The following LRRTM4 variants were observed in gnomAD, a reference collection of about 807,000 sequenced individuals.
The protein encoded by LRRTM4 is leucine-rich repeat transmembrane neuronal protein 4.
A neutral mutation model predicts 47.6 loss-of-function variants in LRRTM4; 25 were observed. That is an observed-to-expected ratio of 0.53 (90% CI 0.38 to 0.73). LRRTM4 has a LOEUF of 0.73. Among genes scored for constraint, LRRTM4 ranks in the 30% least tolerant of loss-of-function variants. The probability of loss-of-function intolerance (pLI) is 0.00; values close to 1 mark genes in which losing one functional copy is unlikely to be tolerated. For missense variants in LRRTM4, 638 were observed against 713.4 expected (o/e 0.89, Z 1.20); for synonymous variants, 311 against 269.5 (o/e 1.15, Z -1.51).
At chr2:76,803,965 G>A (rs1025934646) in intron 3 of LRRTM4, among the ~76,000 whole-genome samples, 1 of 152,192 alleles carries the variant, frequency 6.6e-6, no homozygotes, top group Non-Finnish European at 1.5e-5. Context: ...AGCTTTTCTT[G>A]TAGACATTTC....
At chr2:76,942,866 A>G (rs1289094637) in intron 3 of LRRTM4, among the ~76,000 whole-genome samples, 3 of 152,172 alleles carry the variant, frequency 2.0e-5, no homozygotes, top group African/African-American at 4.8e-5. Context: ...ATAAAATGAT[A>G]TGATCTTTTG....
At chr2:77,214,454 T>C (rs1674381989) in intron 3 of LRRTM4, among the ~76,000 whole-genome samples, 1 of 152,190 alleles carries the variant, frequency 6.6e-6, no homozygotes, top group Admixed American at 6.5e-5. Flanking sequence ...TGTTACTTTA[T>C]TAGTTTGTCT....
intron 3 of LRRTM4, among the ~76,000 whole-genome samples, chr2:76,954,731 G>A (rs1482214949): frequency 1.3e-5 from 2 of 151,692 alleles, no homozygotes; most frequent in African/African-American, 4.8e-5. Flanking sequence ...AGCCCACGCT[G>A]ATATACGCGA....
At chr2:77,250,897 A>C (rs1288074971) in intron 3 of LRRTM4, among the ~76,000 whole-genome samples, 1 of 152,006 alleles carries the variant, frequency 6.6e-6, no homozygotes, top group Non-Finnish European at 1.5e-5. Context: ...TGAGGTGGGG[A>C]GTTCGAGACC....
At chr2:76,869,718 C>G (rs1352632169) in intron 3 of LRRTM4, among the ~76,000 whole-genome samples, 1 of 151,916 alleles carries the variant, frequency 6.6e-6, no homozygotes, top group Non-Finnish European at 1.5e-5. Flanking sequence ...TTTACTTAAC[C>G]TCGAAAATAG....
At chr2:77,392,394 C>T (rs866856824) in intron 3 of LRRTM4, among the ~76,000 whole-genome samples, 1 of 152,012 alleles carries the variant, frequency 6.6e-6, no homozygotes, top group Non-Finnish European at 1.5e-5. Flanking sequence ...TTGTCATGAG[C>T]TATGACCCTT....
chr2:77,212,483 A>C (rs1411724222), intron 3 of LRRTM4, among the ~76,000 whole-genome samples: 2 of 149,574 alleles, frequency 1.3e-5, no homozygotes, highest in East Asian at 3.9e-4. Flanking sequence ...ATAGAGAGAG[A>C]GAGAGAGAGA....
chr2:76,882,299 T>C (rs1672954466), intron 3 of LRRTM4, among the ~76,000 whole-genome samples: 1 of 152,064 alleles, frequency 6.6e-6, no homozygotes, highest in Admixed American at 6.6e-5. Context: ...TTTACTTAAC[T>C]TTTACTGAAA....
chr2:77,295,420 C>G (rs777379779), intron 3 of LRRTM4, among the ~76,000 whole-genome samples: 1 of 152,098 alleles, frequency 6.6e-6, no homozygotes, highest in South Asian at 2.1e-4. Flanking sequence ...GGAGCTCTTA[C>G]GTTTGTCACC....
At chr2:76,827,262 T>G (rs1671214802) in intron 3 of LRRTM4, among the ~76,000 whole-genome samples, 1 of 151,804 alleles carries the variant, frequency 6.6e-6, no homozygotes, top group Admixed American at 6.6e-5. Context: ...ACATTTTAGA[T>G]AGCAAGGTTA....
intron 3 of LRRTM4, among the ~76,000 whole-genome samples, chr2:76,922,327 C>T (rs1040007963): frequency 6.6e-6 from 1 of 151,894 alleles, no homozygotes; most frequent in South Asian, 2.1e-4. Context: ...ATGGCAGAAG[C>T]AAAAAGGGAA....
intron 3 of LRRTM4, among the ~76,000 whole-genome samples, chr2:77,354,246 C>G (rs145011091): frequency 5.4e-4 from 82 of 152,150 alleles, no homozygotes; most frequent in African/African-American, 2.0e-3. Context: ...GTTCCACCTC[C>G]TACTTCAGTA....
At chr2:77,127,380 G>C (rs13400700) in intron 3 of LRRTM4, among the ~76,000 whole-genome samples, 1 of 152,018 alleles carries the variant, frequency 6.6e-6, no homozygotes, top group Non-Finnish European at 1.5e-5. Flanking sequence ...AAATTTAATT[G>C]CATAAATCAC....
chr2:76,987,568 T>G (rs780740695), intron 3 of LRRTM4: 3 of 151,954 alleles, frequency 2.0e-5, no homozygotes, highest in Non-Finnish European at 4.4e-5. Context: ...TACAATAATC[T>G]AAGTAATGAT....
chr2:76,854,342 C>A lies in LRRTM4; in HGVS notation c.1552-105426G>T, dbSNP rs1672085419. On this transcript the variant is annotated intron_variant, in intron 3 of 3. Transcript: ENST00000409884. ...ATACAGATAGTATGCTGAGAATCTGCTTTTACTTTTCCCTCAATAAATGTA... is the reference window on the plus strand; with the variant it reads ...ATACAGATAGTATGCTGAGAATCTGATTTTACTTTTCCCTCAATAAATGTA... 4.6e-5 allele frequency among the ~76,000 whole-genome samples: 7 copies of A among 152,000 alleles called. No homozygotes were observed. In the South Asian group the frequency reaches 1.5e-3, roughly 32 times the overall value.
At chr2:77,221,674 C>T (rs1674636592) in intron 3 of LRRTM4, among the ~76,000 whole-genome samples, 1 of 151,784 alleles carries the variant, frequency 6.6e-6, no homozygotes, top group Non-Finnish European at 1.5e-5. Context: ...AATATATATG[C>T]ACCCAATACA....
chr2:76,857,301 G>GTATATATAATATATATATAATA lies in LRRTM4; in HGVS notation c.1552-108407_1552-108386dup, dbSNP rs139653194. On this transcript the variant is annotated intron_variant, in intron 3 of 3. Transcript: ENST00000409884. ...CTAGATACCTTGTTGTAAAAACACA[G>GTATATATAATATATATATAATA]TATATATAATATATATATAATATAT... is the stretch of plus-strand genomic sequence containing the variant. Among the ~76,000 whole-genome samples the GTATATATAATATATATATAATA allele has an allele frequency of 2.7e-3, 396 of 146,098 alleles. 7 individuals carry two copies. The highest frequency in any genetic ancestry group is 9.8e-3 in the African/African-American group (384 of 39,292).
At chr2:76,899,852 TG>T (rs1673562090) in intron 3 of LRRTM4, among the ~76,000 whole-genome samples, 1 of 152,212 alleles carries the variant, frequency 6.6e-6, no homozygotes, top group Non-Finnish European at 1.5e-5. Context: ...TTGTTCATTA[TG>T]GAATCCTCAA....
At chr2:77,285,111 T>C (rs2104110267) in intron 3 of LRRTM4, among the ~76,000 whole-genome samples, 1 of 151,944 alleles carries the variant, frequency 6.6e-6, no homozygotes, top group Non-Finnish European at 1.5e-5. Context: ...AAAACTTAGC[T>C]GGAAAACTTT....
Sources: gnomAD v4.1 joint callset for allele counts (sites outside exome capture counted in the v4.1 genomes callset) on GRCh38, gnomAD v4.1.1 for gene constraint, MANE v1.5 for transcripts, NCBI Gene and HGNC (gene_info 2026-07-23, HGNC 2026-07-21) for gene names.